The following SPEF2 variants were observed in gnomAD, a reference collection of about 807,000 sequenced individuals.
SPEF2 encodes the protein sperm flagella and cilia-associated protein 2.
In SPEF2, 187 loss-of-function variants were observed where a neutral mutation model predicts 224.6. The observed-to-expected ratio is 0.83, with a 90% CI of 0.74 to 0.94. The LOEUF (loss-of-function observed/expected upper bound fraction) is 0.94. SPEF2 is among the 40% of genes least tolerant of loss of function. SPEF2 has a pLI of 0.00. For missense variants in SPEF2, 2,170 were observed against 2,135.6 expected, an observed-to-expected ratio of 1.02 and a Z score of -0.32; for synonymous variants, 715 against 707.3, an observed-to-expected ratio of 1.01 and a Z score of -0.17.
intron 30 of SPEF2, chr5:35,790,381 A>G: frequency 4.0e-6 from 2 of 500,930 alleles, no homozygotes; most frequent in South Asian, 3.7e-5. Flanking sequence ...CAATATGCAA[A>G]TGTTGACATT....
chr5:35,752,910 TTTA>T (rs1452835655), intron 23 of SPEF2, among the ~76,000 whole-genome samples: 1 of 150,286 alleles, frequency 6.7e-6, no homozygotes, highest in Non-Finnish European at 1.5e-5. Flanking sequence ...GATAACTATT[TTTA>T]TTATATTTAT....
chr5:35,706,021 C>T (rs1739685075), intron 18 of SPEF2, among the ~76,000 whole-genome samples: 1 of 147,910 alleles, frequency 6.8e-6, no homozygotes, highest in Admixed American at 6.8e-5. Context: ...CAAAAAGAGA[C>T]CATCTCTCTG....
chr5:35,692,796 G>T (rs2149537049), intron 12 of SPEF2, 72 bp downstream of exon 12: 1 of 1,460,738 alleles, frequency 6.8e-7, no homozygotes, highest in East Asian at 2.3e-5. Flanking sequence ...AATTTAAAAG[G>T]TCTTCTCTAG....
chr5:35,620,260 T>C lies in SPEF2; in HGVS notation c.58+2205T>C, dbSNP rs368778934. Among the ~76,000 whole-genome samples, 14 of 152,268 alleles carry C rather than the reference T, an allele frequency of 9.2e-5. No individual in the cohort carries two copies. The East Asian group carries it at 2.7e-3, about 29-fold the overall frequency. On this transcript the variant is annotated intron_variant, in intron 1 of 36. Transcript: ENST00000356031. The stretch of plus-strand genomic sequence containing the variant: ...GGAAGGCTTTGGATGGTTTGTAGAA[T>C]CTATCATGGAAGGACTGTGAGTGGG...
intron 28 of SPEF2, among the ~76,000 whole-genome samples, chr5:35,775,711 T>G (rs567993101): frequency 5.4e-4 from 82 of 152,224 alleles, no homozygotes; most frequent in Middle Eastern, 3.4e-3. Flanking sequence ...GGATTGAGGC[T>G]ATTGCAACAG....
chr5:35,710,686 C>G, intron 19 of SPEF2: 1 of 985,358 alleles, frequency 1.0e-6, no homozygotes, highest in Non-Finnish European at 1.2e-6. Flanking sequence ...TCAGCTTGCT[C>G]CAGTCAAGAG....
rs151181076 is a variant in SPEF2, at chr5:35,646,792, G to T, written c.711G>T (p.Lys237Asn). 2 of 1,613,256 alleles carry T rather than the reference G, an allele frequency of 1.2e-6. No homozygotes were observed. The highest frequency in any genetic ancestry group is 1.7e-5 in the Admixed American group (1 of 59,894). ...KALEAQKMMK[K>N]KKEAEDVADE... ...TCGAGGCCCAAAAAATGATGAAAAA[G>T]AAAAAAGAGGCAGAAGTAAGTGATA... The change falls in exon 5 of 37, where the codon AAG becomes AAT. Residue 237 changes from lysine (K) to asparagine (N), a missense_variant. Lys to Asn is a moderately conservative substitution (Grantham distance 94, BLOSUM62 0). Transcript: ENST00000356031.
intron 13 of SPEF2, among the ~76,000 whole-genome samples, chr5:35,694,659 GAGAC>G (rs36092357): frequency 0.11 from 16,759 of 152,122 alleles, 1,363 homozygotes; most frequent in East Asian, 0.38. Context: ...TCTGTGCAAG[GAGAC>G]AGACAGTCTT....
At chr5:35,638,677 C>T (rs1746173223) in intron 2 of SPEF2, among the ~76,000 whole-genome samples, 2 of 151,984 alleles carry the variant, frequency 1.3e-5, no homozygotes, top group African/African-American at 4.8e-5. Flanking sequence ...ATTTATGTAT[C>T]AGTTCTTATC....
chr5:35,814,440 T>C (rs1758716074), intron 36 of SPEF2, 24 bp from the exon 37 acceptor site: 1 of 1,434,918 alleles, frequency 7.0e-7, no homozygotes, highest in African/African-American at 1.4e-5. Flanking sequence ...TATTTGTAAC[T>C]TCTCTTTGAA....
chr5:35,705,284 T>C (rs1175949964), intron 17 of SPEF2, among the ~76,000 whole-genome samples: 2 of 151,992 alleles, frequency 1.3e-5, no homozygotes, highest in Non-Finnish European at 2.9e-5. Context: ...AATTTCTATC[T>C]CTGAGAAAAA....
chr5:35,620,748 T>C (rs7704950), intron 1 of SPEF2, among the ~76,000 whole-genome samples: 1,985 of 152,334 alleles, frequency 0.013, 39 homozygotes, highest in African/African-American at 0.044. Context: ...AGGATATTTA[T>C]GTATTTTTGT....
chr5:35,670,155 C>A lies in SPEF2; in HGVS notation c.1452C>A (p.Asn484Lys). Residue 484 changes from asparagine (N) to lysine (K), a missense_variant, in exon 10 of 37, where the codon AAC becomes AAA. Asn to Lys is a moderately conservative substitution (Grantham distance 94). Coordinates refer to ENST00000356031, the MANE Select transcript of SPEF2 (RefSeq NM_024867.4). The part of the protein sequence containing the change: ...EQASVKTLPA[N>K]PSREQLTELE... ...CCTCTGTTAAGACACTACCTGCTAA[C>A]CCCTCAAGAGAACAACTTACAGAAC... 1 of 1,612,214 alleles carries A rather than the reference C, an allele frequency of 6.2e-7. No homozygotes were observed. Among genetic ancestry groups the A allele is most frequent in the South Asian group, 1.1e-5 (1 of 90,914 alleles).
intron 10 of SPEF2, among the ~76,000 whole-genome samples, chr5:35,684,293 T>G (rs1753262426): frequency 6.6e-6 from 1 of 152,214 alleles, no homozygotes; most frequent in African/African-American, 2.4e-5. Context: ...ATGCTTACCT[T>G]GACTCAGCCT....
chr5:35,695,145 C>T (rs1755111666), intron 13 of SPEF2, among the ~76,000 whole-genome samples: 1 of 152,044 alleles, frequency 6.6e-6, no homozygotes, highest in South Asian at 2.1e-4. Context: ...GTCCCTTATT[C>T]CTGTTATCTG....
intron 23 of SPEF2, 24 bp from the exon 24 acceptor site, chr5:35,753,599 CA>C: frequency 6.2e-7 from 1 of 1,613,478 alleles, no homozygotes; most frequent in Non-Finnish European, 8.5e-7. Context: ...AAAGCATAGC[CA>C]CCATGCCTGT....
chr5:35,672,669 CATA>C (rs1751353716), intron 10 of SPEF2, among the ~76,000 whole-genome samples: 1 of 151,700 alleles, frequency 6.6e-6, no homozygotes, highest in South Asian at 2.1e-4. Context: ...TTTGCTTGAA[CATA>C]ATAATGTTCA....
chr5:35,708,572 C>CCACCACCATCACCATAACTATCAT (rs1740316200), intron 18 of SPEF2, among the ~76,000 whole-genome samples: 1 of 16,888 alleles, frequency 5.9e-5, no homozygotes, highest in South Asian at 1.6e-3. Flanking sequence ...CACTACCACA[C>CCACCACCATCACCATAACTATCAT]CACCACCATC....
intron 10 of SPEF2, among the ~76,000 whole-genome samples, chr5:35,676,994 T>C (rs774574087): frequency 6.6e-5 from 10 of 152,140 alleles, no homozygotes; most frequent in Admixed American, 5.9e-4. Context: ...CAATGTCACC[T>C]CTAAGCTTTT....
Sources: gnomAD v4.1 joint callset for allele counts (sites outside exome capture counted in the v4.1 genomes callset) on GRCh38, gnomAD v4.1.1 for gene constraint, MANE v1.5 for transcripts, NCBI Gene and HGNC (gene_info 2026-07-23, HGNC 2026-07-21) for gene names.